The following FABP12 variants were observed in gnomAD, a reference collection of about 807,000 sequenced individuals.
The protein encoded by FABP12 is fatty acid binding protein 12.
Under a neutral mutation model 13.7 loss-of-function variants are expected in FABP12, and 19 were observed. That is an observed-to-expected ratio of 1.39 (90% CI 0.97 to 2.04). FABP12 has a LOEUF of 2.04. Among genes scored for constraint, FABP12 ranks in the 30% most tolerant of loss-of-function variants. FABP12 has a pLI of 0.00. For missense variants in FABP12, 182 were observed against 164.2 expected, an observed-to-expected ratio of 1.11 and a Z score of -0.59; for synonymous variants, 61 against 57.0, an observed-to-expected ratio of 1.07 and a Z score of -0.32.
intron 1 of FABP12, among the ~76,000 whole-genome samples, chr8:81,576,869 T>C (rs1261576773): frequency 6.6e-6 from 1 of 152,156 alleles, no homozygotes; most frequent in Non-Finnish European, 1.5e-5. Flanking sequence ...ATTTTGGCAG[T>C]ACAAAAGAGA....
At chr8:81,553,656 G>C (rs570998433) in intron 1 of FABP12, among the ~76,000 whole-genome samples, 153 of 152,262 alleles carry the variant, frequency 1.0e-3, no homozygotes, top group African/African-American at 3.6e-3. Context: ...AGAGTTTCTA[G>C]CTCGCAGTTC....
At chr8:81,546,830 C>T (rs1373548862) in intron 1 of FABP12, among the ~76,000 whole-genome samples, 1 of 152,034 alleles carries the variant, frequency 6.6e-6, no homozygotes, top group Non-Finnish European at 1.5e-5. Flanking sequence ...TTCACTGTTA[C>T]TGAATCAAAT....
chr8:81,577,787 G>T (rs922457893), intron 1 of FABP12, among the ~76,000 whole-genome samples: 7 of 152,028 alleles, frequency 4.6e-5, no homozygotes, highest in African/African-American at 1.4e-4. Context: ...AATAAATGAG[G>T]TCTTTCAGGG....
exon 4 of FABP12, chr8:81,527,073 C>T (rs752950072): frequency 3.7e-6 from 6 of 1,612,496 alleles, no homozygotes; most frequent in Non-Finnish European, 5.1e-6. Flanking sequence ...TCTTTGCCAT[C>T]CCAGTCCTGA....
chr8:81,558,887 C>CAAA (rs35682824), intron 1 of FABP12, among the ~76,000 whole-genome samples: 434 of 65,994 alleles, frequency 6.6e-3, no homozygotes, highest in Middle Eastern at 0.01. Context: ...AAGGCTCCAT[C>CAAA]AAAAAAAAAA....
At chr8:81,555,842 G>C (rs544802715) in intron 1 of FABP12, among the ~76,000 whole-genome samples, 153 of 152,138 alleles carry the variant, frequency 1.0e-3, no homozygotes, top group African/African-American at 3.6e-3. Context: ...TAGAGAAGAA[G>C]GTTAACTCAA....
intron 1 of FABP12, among the ~76,000 whole-genome samples, chr8:81,558,887 C>CA (rs35682824): frequency 0.076 from 5,122 of 67,402 alleles, 171 homozygotes; most frequent in African/African-American, 0.1. Context: ...AAGGCTCCAT[C>CA]AAAAAAAAAA....
chr8:81,588,684 T>C (rs1018268723), intron 1 of FABP12, among the ~76,000 whole-genome samples: 1 of 152,356 alleles, frequency 6.6e-6, no homozygotes, highest in East Asian at 1.9e-4. Context: ...TCCAGTATTA[T>C]GTTGAATAAA....
At position 81,552,286 on chromosome 8, in the gene FABP12, T is replaced by C. The variant is rs569681014; in HGVS notation, c.-184-12543A>G. On this transcript the variant is annotated intron_variant, in intron 1 of 5. Transcript: ENST00000692030. Reference sequence around the variant, plus strand: ...ACAGGGTGTGAGAAACAGAGCAAGGTCCTTTAGGGCAGTTGGAAGAAGTTC... The same window carrying C: ...ACAGGGTGTGAGAAACAGAGCAAGGCCCTTTAGGGCAGTTGGAAGAAGTTC... 3.9e-5 allele frequency among the ~76,000 whole-genome samples: 6 copies of C among 152,236 alleles called. No individual in the cohort carries two copies. In the East Asian group the frequency reaches 1.2e-3, roughly 29 times the overall value.
chr8:81,528,870 T>C (rs1003499357), intron 3 of FABP12, among the ~76,000 whole-genome samples: 12 of 152,140 alleles, frequency 7.9e-5, no homozygotes, highest in African/African-American at 2.4e-4. Context: ...CCACAGGTGG[T>C]AGTTGAACCT....
chr8:81,547,250 C>T (rs907341092), intron 1 of FABP12, among the ~76,000 whole-genome samples: 4 of 152,130 alleles, frequency 2.6e-5, no homozygotes, highest in African/African-American at 7.2e-5. Flanking sequence ...GGCACACCAC[C>T]GGCAAATGTG....
At chr8:81,583,192 C>G (rs1160506315) in intron 1 of FABP12, among the ~76,000 whole-genome samples, 1 of 151,998 alleles carries the variant, frequency 6.6e-6, no homozygotes, top group Non-Finnish European at 1.5e-5. Flanking sequence ...CTATGAGATA[C>G]AACAAAAGCA....
intron 1 of FABP12, among the ~76,000 whole-genome samples, chr8:81,568,805 T>C (rs944334471): frequency 1.3e-5 from 2 of 152,162 alleles, no homozygotes; most frequent in African/African-American, 4.8e-5. Flanking sequence ...CTGTCATTTG[T>C]AGCAACATGG....
At chr8:81,562,679 G>A (rs963116292) in intron 1 of FABP12, among the ~76,000 whole-genome samples, 1 of 152,146 alleles carries the variant, frequency 6.6e-6, no homozygotes, top group East Asian at 1.9e-4. Context: ...GGAGAGAAGA[G>A]ACTCCCCTGC....
intron 1 of FABP12, among the ~76,000 whole-genome samples, chr8:81,583,736 A>T (rs1593714): frequency 3.9e-5 from 6 of 152,022 alleles, no homozygotes; most frequent in Non-Finnish European, 5.9e-5. Context: ...AGGAATCGAT[A>T]GCTGCACAGC....
At chr8:81,525,728 GT>G (rs1335346317) in intron 4 of FABP12, 1 of 152,032 alleles carries the variant, frequency 6.6e-6, no homozygotes, top group Non-Finnish European at 1.5e-5. Flanking sequence ...TGGAATTTAA[GT>G]TTTTATTTAA....
intron 1 of FABP12, among the ~76,000 whole-genome samples, chr8:81,576,713 C>G (rs1810053599): frequency 6.6e-6 from 1 of 152,142 alleles, no homozygotes; most frequent in Non-Finnish European, 1.5e-5. Context: ...GTTCCAGTGA[C>G]AAACTATCCC....
intron 1 of FABP12, among the ~76,000 whole-genome samples, chr8:81,555,484 TG>T (rs1160478498): frequency 3.3e-5 from 5 of 152,190 alleles, no homozygotes; most frequent in African/African-American, 1.2e-4. Flanking sequence ...TAAGATACTT[TG>T]AAAATGGAAA....
At chr8:81,540,395 C>T (rs1437310885) in intron 1 of FABP12, among the ~76,000 whole-genome samples, 1 of 152,200 alleles carries the variant, frequency 6.6e-6, no homozygotes, top group African/African-American at 2.4e-5. Context: ...AGTTTAATAT[C>T]CCCAGTGTAA....
Sources: allele counts gnomAD v4.1 joint callset (sites outside exome capture counted in the v4.1 genomes callset), GRCh38; gene constraint gnomAD v4.1.1; transcripts MANE v1.5; gene names NCBI Gene and HGNC (gene_info 2026-07-23, HGNC 2026-07-21).